ANXA6: variants seen among roughly 807,000 people sequenced by gnomAD.
ANXA6 encodes annexin A6, also known as 67 kDa calelectrin.
In ANXA6, 71 loss-of-function variants were observed where a neutral mutation model predicts 95.4. That is an observed-to-expected ratio of 0.74 (90% CI 0.61 to 0.91). ANXA6 has a LOEUF of 0.91. Ranked by LOEUF, ANXA6 falls within the 40% of genes least tolerant of loss-of-function variation. ANXA6 has a pLI of 0.00. For missense variants in ANXA6, 830 were observed against 876.4 expected, an observed-to-expected ratio of 0.95 and a Z score of 0.67; for synonymous variants, 289 against 315.9, an observed-to-expected ratio of 0.91 and a Z score of 0.90.
At chr5:151,120,416 C>CAAA (rs35091535) in intron 17 of ANXA6, among the ~76,000 whole-genome samples, 26 of 131,980 alleles carry the variant, frequency 2.0e-4, no homozygotes, top group Middle Eastern at 4.2e-3. Context: ...GCTACAACTA[C>CAAA]AAAAAAAAAA....
At chr5:151,119,190 C>T (rs1380902717) in intron 18 of ANXA6, 110 bp downstream of exon 18, 13 of 883,472 alleles carry the variant, frequency 1.5e-5, no homozygotes, top group Non-Finnish European at 2.4e-5. Flanking sequence ...TCCTCAAGGA[C>T]TGAGGGAAAG....
At chr5:151,120,805 T>C (rs1462125811) in intron 17 of ANXA6, among the ~76,000 whole-genome samples, 1 of 152,220 alleles carries the variant, frequency 6.6e-6, no homozygotes, top group Non-Finnish European at 1.5e-5. Flanking sequence ...TCCTGCCTTC[T>C]CAGATCCTAG....
At chr5:151,156,027 A>G (rs1766229352) in intron 1 of ANXA6, among the ~76,000 whole-genome samples, 1 of 152,224 alleles carries the variant, frequency 6.6e-6, no homozygotes, top group Non-Finnish European at 1.5e-5. Flanking sequence ...TCCTCTGCAC[A>G]CTCACATCTA....
intron 12 of ANXA6, among the ~76,000 whole-genome samples, chr5:151,128,900 T>C (rs573477741): frequency 6.6e-6 from 1 of 151,928 alleles, no homozygotes; most frequent in African/African-American, 2.4e-5. Flanking sequence ...AGAATACAAC[T>C]TGGATCTCTT....
intron 19 of ANXA6, 86 bp from the exon 20 acceptor site, chr5:151,117,266 CCT>C: frequency 7.5e-7 from 1 of 1,334,038 alleles, no homozygotes. Context: ...CTCATTTTCA[CCT>C]CTCTGAATGC....
intron 22 of ANXA6, 135 bp from the exon 23 acceptor site, chr5:151,108,685 C>T (rs1764766685): frequency 2.7e-6 from 2 of 751,868 alleles, no homozygotes; most frequent in Non-Finnish European, 4.7e-6. Flanking sequence ...GGCCACAGCC[C>T]AGGCCTAAAT....
At chr5:151,108,906 T>C (rs1446974774) in intron 22 of ANXA6, among the ~76,000 whole-genome samples, 2 of 152,312 alleles carry the variant, frequency 1.3e-5, no homozygotes, top group East Asian at 3.9e-4. Context: ...GTGATCCCTC[T>C]CCTTCCTGGG....
intron 8 of ANXA6, 61 bp from the exon 9 acceptor site, chr5:151,133,248 A>G: frequency 8.2e-7 from 1 of 1,217,196 alleles, no homozygotes; most frequent in Non-Finnish European, 1.2e-6. Flanking sequence ...GGACACACTG[A>G]CCAAGCCACT....
rs575896567 is a variant in ANXA6 at position 151,140,139 on chromosome 5, A to C, written c.109+14T>G. The C allele has an allele frequency of 2.7e-4, 442 of 1,613,342 alleles. 7 individuals carry two copies. The South Asian group carries it at 4.6e-3, about 17-fold the overall frequency. Reference sequence around the variant, plus strand: ...GGGGATACCCCTCAAGCTCCCATGAAGCCTGGCACCCACCAAAGCCCTTCA... The same window carrying C: ...GGGGATACCCCTCAAGCTCCCATGACGCCTGGCACCCACCAAAGCCCTTCA... On this transcript the variant is annotated intron_variant, in intron 3 of 25. Transcript: ENST00000354546.
chr5:151,129,673 GCTCT>G (rs1399003761), intron 11 of ANXA6, 144 bp from the exon 12 acceptor site: 6 of 916,186 alleles, frequency 6.5e-6, no homozygotes, highest in African/African-American at 1.7e-5. Context: ...TCCCATTGAA[GCTCT>G]CTCTATGCTC....
intron 13 of ANXA6, among the ~76,000 whole-genome samples, chr5:151,127,971 C>A (rs1391847300): frequency 1.3e-5 from 2 of 152,170 alleles, no homozygotes; most frequent in Non-Finnish European, 2.9e-5. Flanking sequence ...ATACAGGAGA[C>A]CACGCTCACG....
chr5:151,147,817 T>C, intron 2 of ANXA6, 67 bp downstream of exon 2: 1 of 1,538,934 alleles, frequency 6.5e-7, no homozygotes, highest in Non-Finnish European at 8.8e-7. Flanking sequence ...GCAGGCCTAG[T>C]GGCTCCAGGA....
intron 11 of ANXA6, among the ~76,000 whole-genome samples, chr5:151,130,376 G>T (rs1192854448): frequency 2.0e-5 from 3 of 151,900 alleles, no homozygotes; most frequent in Non-Finnish European, 4.4e-5. Flanking sequence ...TCAGCCTCCC[G>T]AGTAGTTAGG....
chr5:151,136,400 C>A, intron 6 of ANXA6, 65 bp from the exon 7 acceptor site: 2 of 1,444,636 alleles, frequency 1.4e-6, no homozygotes, highest in Non-Finnish European at 1.9e-6. Flanking sequence ...GATAAAGGGC[C>A]CTGCTGCCCC....
intron 21 of ANXA6, among the ~76,000 whole-genome samples, chr5:151,110,349 A>G (rs1005561841): frequency 1.7e-5 from 2 of 115,088 alleles, no homozygotes; most frequent in Non-Finnish European, 3.9e-5. Flanking sequence ...TACTGATAGT[A>G]AATTCCCCTT....
rs1428643105 is a variant in ANXA6, at chr5:151,122,227, C to T, written c.1267G>A (p.Gly423Arg). The change falls in exon 17 of 26, where the codon GGA becomes AGA. Residue 423 changes from glycine (G) to arginine (R), a missense_variant. Coordinates refer to ENST00000354546, the MANE Select transcript of ANXA6 (RefSeq NM_001155.5). Reference protein sequence around the residue: ...LMTDLKSEISGDLARLILGLM... With the variant: ...LMTDLKSEISRDLARLILGLM... ...CCCAGAATCAGCCTTGCCAGGTCTC[C>T]AGAGATCTCAGACTTCAGGTCAGTC... 6.2e-7 allele frequency: 1 copy of T among 1,605,578 alleles called. No homozygotes were observed. Among genetic ancestry groups the T allele is most frequent in the Non-Finnish European group, 8.5e-7 (1 of 1,176,830 alleles).
intron 25 of ANXA6, 59 bp from the exon 26 acceptor site, chr5:151,101,566 C>T: frequency 6.9e-7 from 1 of 1,452,346 alleles, no homozygotes. Flanking sequence ...AATGCCCCCT[C>T]CTCCCGGCTG....
intron 2 of ANXA6, 109 bp downstream of exon 2, chr5:151,147,775 T>C: frequency 7.8e-7 from 1 of 1,279,616 alleles, no homozygotes; most frequent in Admixed American, 2.2e-5. Flanking sequence ...TTTCCTCCTT[T>C]TTTCAAGCTG....
chr5:151,143,906 G>A (rs1434724756), intron 2 of ANXA6, among the ~76,000 whole-genome samples: 1 of 152,112 alleles, frequency 6.6e-6, no homozygotes, highest in African/African-American at 2.4e-5. Context: ...GGGAGGGGAA[G>A]GCGAAGAGGA....
Sources: allele counts gnomAD v4.1 joint callset (sites outside exome capture counted in the v4.1 genomes callset), GRCh38; gene constraint gnomAD v4.1.1; transcripts MANE v1.5; gene names NCBI Gene and HGNC (gene_info 2026-07-23, HGNC 2026-07-21).